IL19: variants seen among roughly 807,000 people sequenced by gnomAD.
IL19 encodes the protein interleukin-19.
In IL19, 15 loss-of-function variants were observed where a neutral mutation model predicts 19.5. That is an observed-to-expected ratio of 0.77 (90% CI 0.52 to 1.19). The LOEUF (loss-of-function observed/expected upper bound fraction) is 1.19, where lower values mean the gene tolerates loss of function less well. Ranked by LOEUF, IL19 falls within the 50% of genes most tolerant of loss-of-function variation. IL19 has a pLI of 0.00. For synonymous variants in IL19, 78 were observed against 78.3 expected, an observed-to-expected ratio of 1.00 and a Z score of 0.02; for missense variants, 199 against 213.1, an observed-to-expected ratio of 0.93 and a Z score of 0.41.
Position 206,840,077 on chromosome 1 carries a change from T to G in IL19, c.363+75T>G, listed in dbSNP as rs752544964. On this transcript the variant is annotated intron_variant, in intron 5 of 6. Transcript: ENST00000659997. Reference sequence around the variant, plus strand: ...AGAGGCCAGGAAGTGCTGGCCCCCATCGGCCTCCTGATATGGTGCTTGGAG... The same window carrying G: ...AGAGGCCAGGAAGTGCTGGCCCCCAGCGGCCTCCTGATATGGTGCTTGGAG... 4 of 1,518,458 alleles carry G rather than the reference T, an allele frequency of 2.6e-6. No individual in the cohort carries two copies. The East Asian group carries it at 9.0e-5, about 34-fold the overall frequency. 94.1% of individuals were successfully genotyped at this position (1,518,458 alleles called of 1,614,324 possible).
At chr1:206,820,298 T>A (rs1676262156) in intron 2 of IL19, among the ~76,000 whole-genome samples, 1 of 152,226 alleles carries the variant, frequency 6.6e-6, no homozygotes. Context: ...GAGGTTGACA[T>A]CAGTTTACCA....
intron 2 of IL19, among the ~76,000 whole-genome samples, chr1:206,799,472 G>T (rs758466673): frequency 6.6e-6 from 1 of 152,200 alleles, no homozygotes; most frequent in Non-Finnish European, 1.5e-5. Flanking sequence ...AGGAGCAGAA[G>T]TCATCAGAAA....
intron 2 of IL19, among the ~76,000 whole-genome samples, chr1:206,829,447 C>A (rs1245436954): frequency 6.6e-6 from 1 of 151,916 alleles, no homozygotes; most frequent in African/African-American, 2.4e-5. Flanking sequence ...AGGTTTTGAA[C>A]GTTAGGTTGG....
In IL19 at chr1:206,778,984, G is replaced by A. The variant is rs796444834; in HGVS notation, c.-149+7906G>A. Among the ~76,000 whole-genome samples the A allele has an allele frequency of 2.0e-5, 3 of 152,292 alleles. 1 individual carries two copies. The highest frequency in any genetic ancestry group is 7.2e-5 in the African/African-American group (3 of 41,564). On this transcript the variant is annotated intron_variant, in intron 1 of 6. Transcript: ENST00000659997. ...GAGCTGAGGCAGGACTGGCTTGTCTGTCATAATATAAAAGAGTCTTGGGAG... is the reference window on the plus strand; with the variant it reads ...GAGCTGAGGCAGGACTGGCTTGTCTATCATAATATAAAAGAGTCTTGGGAG...
intron 1 of IL19, among the ~76,000 whole-genome samples, chr1:206,784,961 G>A (rs896855549): frequency 3.3e-5 from 5 of 152,190 alleles, no homozygotes; most frequent in Non-Finnish European, 5.9e-5. Context: ...TGGGATCCTG[G>A]ATTCCCGTGG....
chr1:206,820,394 T>C (rs1170559476), intron 2 of IL19, among the ~76,000 whole-genome samples: 2 of 152,196 alleles, frequency 1.3e-5, no homozygotes, highest in South Asian at 4.1e-4. Flanking sequence ...ATTTGGAGCC[T>C]AAAGACCTAC....
At chr1:206,805,435 T>C (rs1430159343) in intron 2 of IL19, among the ~76,000 whole-genome samples, 1 of 152,244 alleles carries the variant, frequency 6.6e-6, no homozygotes, top group African/African-American at 2.4e-5. Flanking sequence ...GAATGCCATA[T>C]GCTAGATGCT....
intron 2 of IL19, among the ~76,000 whole-genome samples, chr1:206,820,889 C>A: frequency 6.6e-6 from 1 of 152,230 alleles, no homozygotes; most frequent in East Asian, 1.9e-4. Flanking sequence ...ATCTCTAGGG[C>A]TCCATCCAGT....
intron 2 of IL19, among the ~76,000 whole-genome samples, chr1:206,823,547 G>A (rs1177314040): frequency 8.7e-5 from 13 of 149,010 alleles, no homozygotes; most frequent in East Asian, 7.9e-4. Flanking sequence ...GCGAGACTCC[G>A]TCTAAAAAAA....
intron 1 of IL19, among the ~76,000 whole-genome samples, chr1:206,772,712 G>A (rs1231073432): frequency 6.6e-6 from 1 of 151,976 alleles, no homozygotes; most frequent in Non-Finnish European, 1.5e-5. Context: ...TTTTAGGATG[G>A]GCTACCTCTC....
chr1:206,802,047 G>A (rs2102461622), intron 2 of IL19, among the ~76,000 whole-genome samples: 1 of 152,306 alleles, frequency 6.6e-6, no homozygotes, highest in African/African-American at 2.4e-5. Flanking sequence ...AGGGGAAGGG[G>A]AGGCTGCAGC....
At chr1:206,776,441 T>C (rs1674996563) in intron 1 of IL19, among the ~76,000 whole-genome samples, 2 of 151,948 alleles carry the variant, frequency 1.3e-5, no homozygotes, top group Admixed American at 1.3e-4. Context: ...TGTGTGTGTG[T>C]GTGTGTGTGT....
rs1675597168 is a variant in IL19, at chr1:206,798,839, C to T, written c.-148-22C>T. On this transcript the variant is annotated intron_variant, in intron 1 of 6. Coordinates refer to ENST00000659997, the MANE Select transcript of IL19 (RefSeq NM_153758.5). The stretch of plus-strand genomic sequence containing the variant: ...TGAGTGTACCTTTTTGTAATGATGA[C>T]TCTCTATGATTTTCTCCATAGAGCG... 9.1e-5 allele frequency: 119 copies of T among 1,314,338 alleles called. 1 individual carries two copies. The South Asian group carries it at 1.4e-3, about 16-fold the overall frequency. 81.4% of individuals were successfully genotyped at this position (1,314,338 alleles called of 1,614,324 possible). A position where few individuals can be genotyped will look rare whatever the true frequency, so the allele number is the denominator to read the frequency against.
intron 1 of IL19, among the ~76,000 whole-genome samples, chr1:206,771,945 C>A (rs1338960419): frequency 6.6e-6 from 1 of 152,124 alleles, no homozygotes; most frequent in Non-Finnish European, 1.5e-5. Context: ...GCATGGGGAG[C>A]ATCTTCACCT....
rs148873337 is a variant in IL19, at chr1:206,798,919, C to T, written c.-90C>T. ...AATGTGCACTGAGGGAGCGTTTCCGCACAGATCTGCGTGTTCCTTACCACT... is the reference window on the plus strand; with the variant it reads ...AATGTGCACTGAGGGAGCGTTTCCGTACAGATCTGCGTGTTCCTTACCACT... On this transcript the variant is annotated 5_prime_UTR_variant, in exon 2 of 7. Coordinates refer to ENST00000659997, the MANE Select transcript of IL19 (RefSeq NM_153758.5). 1.2e-6 allele frequency: 2 copies of T among 1,613,616 alleles called. No individual in the cohort carries two copies. Among genetic ancestry groups the T allele is most frequent in the Non-Finnish European group, 1.7e-6 (2 of 1,179,912 alleles).
At chr1:206,798,380 G>C (rs1356562641) in intron 1 of IL19, among the ~76,000 whole-genome samples, 2 of 152,030 alleles carry the variant, frequency 1.3e-5, no homozygotes, top group Non-Finnish European at 2.9e-5. Context: ...GTCCTTGGGG[G>C]GCTTCAATTT....
Position 206,778,087 on chromosome 1 carries a change from C to A in IL19, c.-149+7009C>A, listed in dbSNP as rs1572543585. On this transcript the variant is annotated intron_variant, in intron 1 of 6. Coordinates refer to ENST00000659997, the MANE Select transcript of IL19 (RefSeq NM_153758.5). Reference sequence around the variant, plus strand: ...GCCAGAAGTTTAAGAGGAGCCCGGGCTGGGGCTGGCCCTTAGGTGGAATGG... The same window carrying A: ...GCCAGAAGTTTAAGAGGAGCCCGGGATGGGGCTGGCCCTTAGGTGGAATGG... Among the ~76,000 whole-genome samples the A allele has an allele frequency of 2.0e-5, 3 of 152,308 alleles. 1 individual carries two copies. The Middle Eastern group carries it at 0.01, about 518-fold the overall frequency.
chr1:206,778,660 T>A (rs963121285), intron 1 of IL19, among the ~76,000 whole-genome samples: 7 of 152,218 alleles, frequency 4.6e-5, no homozygotes, highest in African/African-American at 1.4e-4. Flanking sequence ...GGGTTCCACA[T>A]TTTTATTTTG....
intron 2 of IL19, among the ~76,000 whole-genome samples, chr1:206,812,641 C>T (rs1321016049): frequency 6.6e-6 from 1 of 152,156 alleles, no homozygotes; most frequent in Non-Finnish European, 1.5e-5. Context: ...GGCATAACCA[C>T]TGATGATTCA....
Sources: gnomAD v4.1 joint callset for allele counts (sites outside exome capture counted in the v4.1 genomes callset) on GRCh38, gnomAD v4.1.1 for gene constraint, MANE v1.5 for transcripts, NCBI Gene and HGNC (gene_info 2026-07-23, HGNC 2026-07-21) for gene names.